The following SLC29A3 variants were observed in gnomAD, a reference collection of about 807,000 sequenced individuals.
SLC29A3 encodes the protein equilibrative nucleoside transporter 3.
SLC29A3 carries 18 observed loss-of-function variants against 25.4 expected under a neutral mutation model. The ratio of observed to expected loss-of-function variants is 0.71; its 90% CI spans 0.49 to 1.05. SLC29A3 has a LOEUF of 1.05. Among genes scored for constraint, SLC29A3 ranks in the 50% least tolerant of loss-of-function variants. The probability of loss-of-function intolerance (pLI) is 0.00; values close to 1 mark genes in which losing one functional copy is unlikely to be tolerated. For synonymous variants in SLC29A3, 258 were observed against 267.1 expected (o/e 0.97, Z 0.33); for missense variants, 586 against 609.0 (o/e 0.96, Z 0.40).
intron 3 of SLC29A3, among the ~76,000 whole-genome samples, chr10:71,344,848 G>A (rs1224003610): frequency 6.6e-6 from 1 of 152,210 alleles, no homozygotes; most frequent in Non-Finnish European, 1.5e-5. Flanking sequence ...AGTTTACAAA[G>A]ACAATAGCCC....
At chr10:71,349,634 TCCCA>T (rs1846696664) in intron 3 of SLC29A3, among the ~76,000 whole-genome samples, 2 of 151,964 alleles carry the variant, frequency 1.3e-5, no homozygotes. Flanking sequence ...AGGAATGTTC[TCCCA>T]GGGAACATTG....
At chr10:71,346,401 A>G (rs890866494) in intron 3 of SLC29A3, among the ~76,000 whole-genome samples, 1 of 152,226 alleles carries the variant, frequency 6.6e-6, no homozygotes, top group African/African-American at 2.4e-5. Context: ...GAAGGTGGCC[A>G]TTAAGGATGG....
At chr10:71,374,491 C>T (rs1029338724) in intron 3 of SLC29A3, among the ~76,000 whole-genome samples, 1 of 152,112 alleles carries the variant, frequency 6.6e-6, no homozygotes, top group Non-Finnish European at 1.5e-5. Flanking sequence ...CATGGTAACC[C>T]GAAGGTAAGC....
At position 71,373,692 on chromosome 10, in the gene SLC29A3, A is replaced by G. The variant is rs150032278; in HGVS notation, c.*95-2003A>G. 4.9e-3 allele frequency among the ~76,000 whole-genome samples: 743 copies of G among 152,310 alleles called. 3 individuals carry two copies. Among genetic ancestry groups the G allele is most frequent in the African/African-American group, 0.017 (714 of 41,564 alleles). On this transcript the variant is annotated intron_variant and NMD_transcript_variant, in intron 3 of 4. Transcript: ENST00000642772. ...ACAAGGAGTCTGTAGGACCAAAGGG[A>G]CATGATAACCAGGAGCTCACAGCCC...
At chr10:71,321,490 C>G (rs1845845074) in intron 1 of SLC29A3, among the ~76,000 whole-genome samples, 1 of 152,238 alleles carries the variant, frequency 6.6e-6, no homozygotes, top group African/African-American at 2.4e-5. Flanking sequence ...TCTCATTTAT[C>G]AAGCTGCTGC....
chr10:71,360,207 G>GGTCTT (rs1847020776), intron 5 of SLC29A3, among the ~76,000 whole-genome samples: 1 of 135,668 alleles, frequency 7.4e-6, no homozygotes, highest in South Asian at 2.3e-4. Context: ...GCAGTGATGC[G>GGTCTT]GTCTTGGCTC....
chr10:71,334,699 G>A (rs561452723), intron 2 of SLC29A3, among the ~76,000 whole-genome samples: 1 of 152,138 alleles, frequency 6.6e-6, no homozygotes, highest in Non-Finnish European at 1.5e-5. Flanking sequence ...TGTGCACCGT[G>A]ATCCCGCAGT....
At chr10:71,346,629 G>A (rs1417967752) in intron 3 of SLC29A3, among the ~76,000 whole-genome samples, 1 of 152,134 alleles carries the variant, frequency 6.6e-6, no homozygotes, top group African/African-American at 2.4e-5. Context: ...CGCTTGAGCC[G>A]AGGAGTTCAA....
chr10:71,345,619 AGG>A (rs1846550038), intron 3 of SLC29A3, among the ~76,000 whole-genome samples: 2 of 152,190 alleles, frequency 1.3e-5, no homozygotes, highest in Non-Finnish European at 2.9e-5. Flanking sequence ...TGAGAAGGAG[AGG>A]GGCGTTGCAG....
chr10:71,349,814 T>C (rs928428143), intron 3 of SLC29A3, among the ~76,000 whole-genome samples: 5 of 152,194 alleles, frequency 3.3e-5, no homozygotes, highest in African/African-American at 1.2e-4. Context: ...CATGCACTTA[T>C]ATCCTCCCAT....
chr10:71,325,844 T>A (rs1196269347), intron 2 of SLC29A3, among the ~76,000 whole-genome samples: 2 of 151,874 alleles, frequency 1.3e-5, no homozygotes, highest in Non-Finnish European at 2.9e-5. Context: ...CAGTAGAGTT[T>A]GTGGTGCACT....
At chr10:71,349,551 G>A (rs1257465052) in intron 3 of SLC29A3, among the ~76,000 whole-genome samples, 1 of 152,092 alleles carries the variant, frequency 6.6e-6, no homozygotes, top group Non-Finnish European at 1.5e-5. Flanking sequence ...TGCGTCACAT[G>A]CCTGTTGTTT....
intron 2 of SLC29A3, among the ~76,000 whole-genome samples, chr10:71,338,222 G>T (rs188163115): frequency 6.6e-6 from 1 of 152,342 alleles, no homozygotes; most frequent in African/African-American, 2.4e-5. Context: ...GCCCCATGCT[G>T]CCCACCCACA....
At chr10:71,323,501 A>G (rs905443930) in intron 2 of SLC29A3, among the ~76,000 whole-genome samples, 4 of 152,256 alleles carry the variant, frequency 2.6e-5, no homozygotes, top group African/African-American at 9.6e-5. Context: ...ATCAGTAGGA[A>G]AAAGCAAGAG....
intron 3 of SLC29A3, 58 bp from the exon 4 acceptor site, chr10:71,351,504 C>T: frequency 6.5e-7 from 1 of 1,544,030 alleles, no homozygotes; most frequent in South Asian, 1.1e-5. Context: ...CTCACCAGCC[C>T]CAGCCCACAC....
intron 3 of SLC29A3, among the ~76,000 whole-genome samples, chr10:71,372,576 A>C (rs1016850457): frequency 6.6e-6 from 1 of 152,204 alleles, no homozygotes; most frequent in Non-Finnish European, 1.5e-5. Context: ...CCCCACGAGG[A>C]GAACCACTGT....
chr10:71,319,279 G>C lies in SLC29A3; in HGVS notation c.-31G>C, dbSNP rs886047116. 14 of 624,604 alleles carry C rather than the reference G, an allele frequency of 2.2e-5. No individual in the cohort carries two copies. The highest frequency in any genetic ancestry group is 4.0e-5 in the Non-Finnish European group (14 of 347,960). 38.7% of individuals were successfully genotyped at this position (624,604 alleles called of 1,614,324 possible). ...AGCCCAGTGGTCCTGGCCGTGCGCC[G>C]GAGGCAGCGGCGGCGTGGCGCAGCG... is the stretch of plus-strand genomic sequence containing the variant. On this transcript the variant is annotated 5_prime_UTR_variant, in exon 1 of 6. Coordinates refer to ENST00000373189, the MANE Select transcript of SLC29A3 (RefSeq NM_018344.6).
chr10:71,369,555 G>A (rs956218326), intron 3 of SLC29A3, among the ~76,000 whole-genome samples: 28 of 152,216 alleles, frequency 1.8e-4, no homozygotes, highest in Non-Finnish European at 7.3e-5. Context: ...AACACTACAG[G>A]TGTAGCGTAA....
chr10:71,330,127 G>C (rs1244879965), intron 2 of SLC29A3, among the ~76,000 whole-genome samples: 1 of 152,352 alleles, frequency 6.6e-6, no homozygotes, highest in East Asian at 1.9e-4. Context: ...CCCTGGAAGA[G>C]CCTTTGCCCT....
Sources: allele counts gnomAD v4.1 joint callset (sites outside exome capture counted in the v4.1 genomes callset), GRCh38; gene constraint gnomAD v4.1.1; transcripts MANE v1.5; gene names NCBI Gene and HGNC (gene_info 2026-07-23, HGNC 2026-07-21).